EYS: variants seen among roughly 807,000 people sequenced by gnomAD.
EYS encodes the protein EGF-like photoreceptor maintenance factor, also known as protein eyes shut homolog.
In EYS, 250 loss-of-function variants were observed where a neutral mutation model predicts 282.1. That is an observed-to-expected ratio of 0.89 (90% CI 0.80 to 0.98). EYS has a LOEUF of 0.98. EYS is among the 50% of genes least tolerant of loss of function. The probability of loss-of-function intolerance (pLI) is 0.00; values close to 1 mark genes in which losing one functional copy is unlikely to be tolerated. For missense variants in EYS, 4,016 were observed against 3,709.0 expected (o/e 1.08, Z -2.15); for synonymous variants, 1,355 against 1,282.9 (o/e 1.06, Z -1.20).
Position 65,332,118 on chromosome 6 carries a change from C to T in EYS, c.1766+2862G>A, listed in dbSNP as rs1479778242. 6.9e-6 allele frequency: 3 copies of T among 432,068 alleles called. No homozygotes were observed. The Admixed American group carries it at 1.2e-4, about 17-fold the overall frequency. The allele number at this position is 432,068 out of a possible 1,614,324, so 26.8% of individuals were successfully genotyped here. A position where few individuals can be genotyped will look rare whatever the true frequency, so the allele number is the denominator to read the frequency against. On this transcript the variant is annotated intron_variant, in intron 11 of 42. Transcript: ENST00000503581. ...AAGTATAATGTTAGTTATGTTTCTT[C>T]ATTCTTCTTATTTTTTTTTAACTTC...
chr6:65,207,107 GT>G (rs544246226), intron 12 of EYS, among the ~76,000 whole-genome samples: 207 of 151,758 alleles, frequency 1.4e-3, no homozygotes, highest in African/African-American at 4.5e-3. Context: ...TGATGGCATG[GT>G]TTTATAACTA....
intron 15 of EYS, among the ~76,000 whole-genome samples, chr6:64,926,271 C>A (rs1464939407): frequency 1.3e-5 from 2 of 152,156 alleles, no homozygotes; most frequent in Non-Finnish European, 2.9e-5. Flanking sequence ...GGGGCTTCTC[C>A]CCTGCTCAAG....
intron 12 of EYS, among the ~76,000 whole-genome samples, chr6:65,098,036 A>G (rs1400074624): frequency 6.6e-6 from 1 of 150,656 alleles, no homozygotes; most frequent in Non-Finnish European, 1.5e-5. Context: ...TCCACTTTTA[A>G]ATAGGATCGT....
intron 37 of EYS, among the ~76,000 whole-genome samples, chr6:63,799,207 T>G (rs1770724760): frequency 6.6e-6 from 1 of 151,410 alleles, no homozygotes; most frequent in Non-Finnish European, 1.5e-5. Flanking sequence ...AGAGACAGGG[T>G]CTTGCCATGT....
intron 19 of EYS, among the ~76,000 whole-genome samples, chr6:64,844,358 G>GTTT (rs200024782): frequency 0.018 from 2,485 of 140,728 alleles, 71 homozygotes; most frequent in African/African-American, 0.06. Context: ...ATGCTGTTGG[G>GTTT]TTTTTTTTTT....
chr6:64,924,320 T>C (rs1768443492), intron 15 of EYS, among the ~76,000 whole-genome samples: 1 of 152,142 alleles, frequency 6.6e-6, no homozygotes, highest in Non-Finnish European at 1.5e-5. Context: ...ACCAAGTCCC[T>C]AGGCTGCACA....
intron 12 of EYS, among the ~76,000 whole-genome samples, chr6:65,205,486 C>T (rs1380362441): frequency 6.6e-6 from 1 of 151,804 alleles, no homozygotes. Context: ...ACTGACAACA[C>T]TAAACAGCTA....
chr6:63,908,078 C>T (rs1275692721), intron 35 of EYS, among the ~76,000 whole-genome samples: 10 of 146,366 alleles, frequency 6.8e-5, no homozygotes, highest in African/African-American at 2.6e-4. Context: ...ATATATCTGT[C>T]TCAGTCTCTA....
chr6:64,420,858 C>T (rs973051974), intron 28 of EYS, among the ~76,000 whole-genome samples: 15 of 152,164 alleles, frequency 9.9e-5, no homozygotes, highest in Admixed American at 1.3e-4. Context: ...CTTCCTTGTT[C>T]GTTTCACCAT....
At chr6:65,010,210 C>G (rs1771822772) in intron 13 of EYS, among the ~76,000 whole-genome samples, 1 of 152,204 alleles carries the variant, frequency 6.6e-6, no homozygotes, top group African/African-American at 2.4e-5. Flanking sequence ...AGTAAGGAAA[C>G]TGATGTAGTG....
At chr6:65,615,723 A>T (rs1433744196) in intron 2 of EYS, among the ~76,000 whole-genome samples, 2 of 151,982 alleles carry the variant, frequency 1.3e-5, no homozygotes, top group South Asian at 4.1e-4. Flanking sequence ...TCATGAGGTC[A>T]GGAGATCAAA....
At chr6:64,583,936 T>C (rs1046186908) in intron 26 of EYS, among the ~76,000 whole-genome samples, 1 of 152,146 alleles carries the variant, frequency 6.6e-6, no homozygotes, top group Non-Finnish European at 1.5e-5. Flanking sequence ...TGTTTGGACA[T>C]AAAATATATC....
chr6:64,135,607 C>T lies in EYS; in HGVS notation c.6425-53605G>A, dbSNP rs186614164. Among the ~76,000 whole-genome samples, 5 of 152,156 alleles carry T rather than the reference C, an allele frequency of 3.3e-5. No homozygotes were observed. In the East Asian group the frequency reaches 9.7e-4, roughly 29 times the overall value. ...AACTGACCTTAAGAAGGAGTACAGG[C>T]ATACTTCAGACACATTGTAGGTTCA... On this transcript the variant is annotated intron_variant, in intron 31 of 42. Coordinates refer to ENST00000503581, the MANE Select transcript of EYS (RefSeq NM_001142800.2).
intron 12 of EYS, among the ~76,000 whole-genome samples, chr6:65,070,269 G>A (rs1394576026): frequency 6.6e-6 from 1 of 151,842 alleles, no homozygotes; most frequent in Non-Finnish European, 1.5e-5. Context: ...ATATGAACAT[G>A]ACATTTGGCA....
rs370485310 is a variant in EYS at position 64,213,180 on chromosome 6, T to C, written c.6424+17412A>G. On this transcript the variant is annotated intron_variant, in intron 31 of 42. Transcript: ENST00000503581. ...TACAACAAACCCTCATGACGCAAGTTTACCTATGTAACAAACCTGCACATG... is the reference window on the plus strand; with the variant it reads ...TACAACAAACCCTCATGACGCAAGTCTACCTATGTAACAAACCTGCACATG... Among the ~76,000 whole-genome samples the C allele has an allele frequency of 9.9e-5, 15 of 152,098 alleles. 1 individual carries two copies. Among genetic ancestry groups the C allele is most frequent in the African/African-American group, 3.6e-4 (15 of 41,514 alleles).
At chr6:63,844,193 T>C (rs1772038407) in intron 36 of EYS, among the ~76,000 whole-genome samples, 1 of 152,200 alleles carries the variant, frequency 6.6e-6, no homozygotes, top group Non-Finnish European at 1.5e-5. Context: ...ATTCATTCCT[T>C]TTTATGGCTG....
chr6:64,799,750 C>T (rs1385232227), intron 22 of EYS, among the ~76,000 whole-genome samples: 2 of 150,800 alleles, frequency 1.3e-5, no homozygotes, highest in Admixed American at 1.3e-4. Context: ...GTTACAGGAG[C>T]CAAAAGAAAA....
chr6:64,001,266 T>C (rs1442117375), intron 33 of EYS, among the ~76,000 whole-genome samples: 2 of 152,208 alleles, frequency 1.3e-5, no homozygotes, highest in Admixed American at 1.3e-4. Context: ...AGTGCTAATA[T>C]TAAAATCCAA....
rs763158109 is a variant in EYS, at chr6:64,591,989, C to T, written c.3878G>A (p.Gly1293Asp). Residue 1293 changes from glycine (G) to aspartate (D), a missense_variant and splice_region_variant, in exon 26 of 43, where the codon GGT becomes GAT. Physicochemically the swap from Gly to Asp is moderately conservative, Grantham distance 94. Coordinates refer to ENST00000503581, the MANE Select transcript of EYS (RefSeq NM_001142800.2). ...CTTGACAATGCCTGTCTGTTTTGGA[C>T]CTACAAAAAGGAAAAAAGCCAAAAA... is the stretch of plus-strand genomic sequence containing the variant. ...AIMDTYPVDQGPKQTGIVKHD... is the reference protein window; with the variant it reads ...AIMDTYPVDQDPKQTGIVKHD... 2.7e-6 allele frequency: 4 copies of T among 1,460,904 alleles called. No individual in the cohort carries two copies. Among genetic ancestry groups the T allele is most frequent in the Non-Finnish European group, 9.0e-7 (1 of 1,105,422 alleles). 90.5% of individuals were successfully genotyped at this position (1,460,904 alleles called of 1,614,324 possible).
Sources: gnomAD v4.1 joint callset for allele counts (sites outside exome capture counted in the v4.1 genomes callset) on GRCh38, gnomAD v4.1.1 for gene constraint, MANE v1.5 for transcripts, NCBI Gene and HGNC (gene_info 2026-07-23, HGNC 2026-07-21) for gene names.